The following CDH12 variants were observed in gnomAD, a reference collection of about 807,000 sequenced individuals.
The protein encoded by CDH12 is cadherin-12.
Under a neutral mutation model 74.1 loss-of-function variants are expected in CDH12, and 41 were observed. The observed-to-expected ratio is 0.55, with a 90% CI of 0.43 to 0.72. The LOEUF (loss-of-function observed/expected upper bound fraction) is 0.72. CDH12 is among the 30% of genes least tolerant of loss of function. The pLI, the probability that CDH12 is intolerant of heterozygous loss-of-function variation, is 0.00. For synonymous variants in CDH12, 399 were observed against 355.0 expected (o/e 1.12, Z -1.39); for missense variants, 945 against 977.2 (o/e 0.97, Z 0.44).
chr5:22,388,749 G>C (rs1380200712), intron 3 of CDH12, among the ~76,000 whole-genome samples: 5 of 152,124 alleles, frequency 3.3e-5, no homozygotes, highest in African/African-American at 1.2e-4. Context: ...AATGTTTTGG[G>C]AAAGGAATCT....
At chr5:22,115,827 G>A (rs1745061323) in intron 4 of CDH12, among the ~76,000 whole-genome samples, 1 of 151,690 alleles carries the variant, frequency 6.6e-6, no homozygotes, top group Non-Finnish European at 1.5e-5. Context: ...AAGCAGCTGG[G>A]ACTACAGGCA....
At chr5:22,832,593 T>C (rs1011696850) in intron 1 of CDH12, among the ~76,000 whole-genome samples, 3 of 152,066 alleles carry the variant, frequency 2.0e-5, no homozygotes, top group African/African-American at 7.2e-5. Flanking sequence ...CAGAAAGAAA[T>C]AGATATATAA....
chr5:22,163,104 A>G (rs1191123529), intron 4 of CDH12, among the ~76,000 whole-genome samples: 3 of 151,684 alleles, frequency 2.0e-5, no homozygotes, highest in Non-Finnish European at 2.9e-5. Context: ...CACCATCTCC[A>G]TCTCCTGACC....
At chr5:22,633,795 T>G (rs559490297) in intron 1 of CDH12, among the ~76,000 whole-genome samples, 1 of 152,206 alleles carries the variant, frequency 6.6e-6, no homozygotes, top group Admixed American at 6.5e-5. Context: ...AGGCAGATTC[T>G]GGGACTTCTC....
At chr5:22,524,786 ATTTTATTTTTAT>A (rs200475068) in intron 1 of CDH12, among the ~76,000 whole-genome samples, 2 of 151,526 alleles carry the variant, frequency 1.3e-5, no homozygotes, top group East Asian at 1.9e-4. Flanking sequence ...CTCATATTTT[ATTTTATTTTTAT>A]TTTTATTTTT....
chr5:22,069,370 A>C (rs1490295384), intron 5 of CDH12, among the ~76,000 whole-genome samples: 1 of 152,120 alleles, frequency 6.6e-6, no homozygotes, highest in Non-Finnish European at 1.5e-5. Flanking sequence ...CTAGGAGACT[A>C]AAAATGCTCT....
At chr5:22,329,714 A>C (rs1739268048) in intron 3 of CDH12, among the ~76,000 whole-genome samples, 1 of 152,172 alleles carries the variant, frequency 6.6e-6, no homozygotes, top group Non-Finnish European at 1.5e-5. Flanking sequence ...AGAGAGAGAG[A>C]CTTTGTATTG....
At chr5:21,822,847 A>G (rs1377663815) in intron 8 of CDH12, among the ~76,000 whole-genome samples, 1 of 152,082 alleles carries the variant, frequency 6.6e-6, no homozygotes, top group Non-Finnish European at 1.5e-5. Context: ...AGATTTATAA[A>G]TTTTCTGTAA....
intron 1 of CDH12, among the ~76,000 whole-genome samples, chr5:22,802,380 A>G (rs1748580440): frequency 6.6e-6 from 1 of 152,096 alleles, no homozygotes; most frequent in African/African-American, 2.4e-5. Flanking sequence ...TCAGCCTCCC[A>G]AAGTGCTGGG....
chr5:22,692,495 G>C (rs1742134805), intron 1 of CDH12, among the ~76,000 whole-genome samples: 1 of 151,894 alleles, frequency 6.6e-6, no homozygotes, highest in Non-Finnish European at 1.5e-5. Context: ...GGAATGTTAG[G>C]TGCAATATAT....
At chr5:22,104,337 A>G (rs6452050) in intron 4 of CDH12, among the ~76,000 whole-genome samples, 72,187 of 152,030 alleles carry the variant, frequency 0.47, 17,344 homozygotes, top group Middle Eastern at 0.54. Context: ...TTTTGGATCA[A>G]AGTTCCACAA....
At chr5:22,291,751 T>A (rs563028111) in intron 3 of CDH12, among the ~76,000 whole-genome samples, 1 of 152,228 alleles carries the variant, frequency 6.6e-6, no homozygotes, top group Admixed American at 6.5e-5. Context: ...TTGGATTAAT[T>A]AATATTGTTT....
At chr5:22,846,813 G>A (rs1158414052) in intron 1 of CDH12, among the ~76,000 whole-genome samples, 2 of 152,044 alleles carry the variant, frequency 1.3e-5, no homozygotes, top group African/African-American at 4.8e-5. Flanking sequence ...CTGGGCCAGG[G>A]CAGATCACAT....
chr5:22,044,636 G>A (rs925726500), intron 5 of CDH12, among the ~76,000 whole-genome samples: 20 of 152,124 alleles, frequency 1.3e-4, no homozygotes, highest in African/African-American at 2.4e-4. Flanking sequence ...GAGAAGAATA[G>A]CACGCATAGA....
At position 21,980,161 on chromosome 5, in the gene CDH12, C is replaced by A. The variant is rs1299406708; in HGVS notation, c.232-4776G>T. On this transcript the variant is annotated intron_variant, in intron 5 of 14. Transcript: ENST00000382254. The stretch of plus-strand genomic sequence containing the variant: ...CTTAAAGTATAATAAAAAAAAAAAA[C>A]ATACATACATATATGTATGGCATAT... Among the ~76,000 whole-genome samples the A allele has an allele frequency of 4.1e-5, 6 of 145,722 alleles. No individual in the cohort carries two copies. The South Asian group carries it at 8.6e-4, about 21-fold the overall frequency.
chr5:22,391,917 T>C (rs1044407840), intron 3 of CDH12, among the ~76,000 whole-genome samples: 1 of 152,088 alleles, frequency 6.6e-6, no homozygotes, highest in Admixed American at 6.5e-5. Flanking sequence ...GCATGGCCAC[T>C]AAAACATAAA....
In CDH12 at chr5:22,143,050, G is replaced by C. The variant is rs187198650; in HGVS notation, c.-186-64188C>G. 301 of 172,162 alleles carry C rather than the reference G, an allele frequency of 1.7e-3. 2 individuals are homozygous for C. Among genetic ancestry groups the C allele is most frequent in the African/African-American group, 6.9e-3 (288 of 41,964 alleles). 10.7% of individuals were successfully genotyped at this position (172,162 alleles called of 1,614,324 possible). On this transcript the variant is annotated intron_variant, in intron 4 of 14. Coordinates refer to ENST00000382254, the MANE Select transcript of CDH12 (RefSeq NM_004061.5). ...TTTAAAAGAAAGTAGCGTTAAGATA[G>C]ATCAGTAACCAAAATCATAGGCTTT...
intron 5 of CDH12, among the ~76,000 whole-genome samples, chr5:21,992,708 T>C (rs1171681443): frequency 6.6e-6 from 1 of 152,120 alleles, no homozygotes; most frequent in Admixed American, 6.6e-5. Flanking sequence ...GTATCGTTGG[T>C]TGCTTATTAA....
chr5:22,310,009 G>A (rs978733164), intron 3 of CDH12, among the ~76,000 whole-genome samples: 4 of 144,298 alleles, frequency 2.8e-5, no homozygotes, highest in Non-Finnish European at 4.5e-5. Context: ...GGGGGGTGGG[G>A]GGCTGCGGGA....
Sources: allele counts gnomAD v4.1 joint callset (sites outside exome capture counted in the v4.1 genomes callset), GRCh38; gene constraint gnomAD v4.1.1; transcripts MANE v1.5; gene names NCBI Gene and HGNC (gene_info 2026-07-23, HGNC 2026-07-21).